TNKS: variants seen among roughly 807,000 people sequenced by gnomAD.
TNKS encodes the protein poly [ADP-ribose] polymerase tankyrase-1.
In TNKS, 72 loss-of-function variants were observed where a neutral mutation model predicts 135.8. That is an observed-to-expected ratio of 0.53 (90% CI 0.44 to 0.64). TNKS has a LOEUF of 0.64. TNKS is among the 30% of genes least tolerant of loss of function. The pLI is 0.00. For synonymous variants in TNKS, 849 were observed against 649.3 expected, an observed-to-expected ratio of 1.31 and a Z score of -4.68; for missense variants, 1,769 against 1,674.0, an observed-to-expected ratio of 1.06 and a Z score of -0.99.
Position 9,645,218 on chromosome 8 carries a change from G to T in TNKS, c.994+29541G>T, listed in dbSNP as rs181784604. 1.7e-4 allele frequency among the ~76,000 whole-genome samples: 25 copies of T among 150,974 alleles called. No homozygotes were observed. In the East Asian group the frequency reaches 4.8e-3, roughly 29 times the overall value. On this transcript the variant is annotated intron_variant, in intron 3 of 26. Coordinates refer to ENST00000310430, the MANE Select transcript of TNKS (RefSeq NM_003747.3). ...TAAGGAGGACAAGGGTGGGGGATGG[G>T]TTGGGAGCAGGGTGGGGTTTGTAGA...
At chr8:9,730,837 G>A in intron 13 of TNKS, 53 bp from the exon 14 acceptor site, 2 of 1,566,654 alleles carry the variant, frequency 1.3e-6, no homozygotes, top group Non-Finnish European at 1.7e-6. Context: ...CAAAACCTGT[G>A]AATAAAGAGT....
intron 2 of TNKS, among the ~76,000 whole-genome samples, chr8:9,606,498 T>A (rs1405810251): frequency 1.3e-5 from 2 of 152,148 alleles, no homozygotes; most frequent in Admixed American, 6.5e-5. Context: ...AATTAGGTAG[T>A]GTGAGTCCTT....
chr8:9,733,769 A>G (rs1052275930), intron 15 of TNKS, among the ~76,000 whole-genome samples: 1 of 152,216 alleles, frequency 6.6e-6, no homozygotes, highest in African/African-American at 2.4e-5. Flanking sequence ...AAGCTTTTCA[A>G]TCAAGTTGGG....
chr8:9,619,840 A>C (rs1316694910), intron 3 of TNKS, among the ~76,000 whole-genome samples: 2 of 149,314 alleles, frequency 1.3e-5, no homozygotes, highest in Non-Finnish European at 3.0e-5. Flanking sequence ...TTCAGATAAG[A>C]CCAACATCTT....
At chr8:9,606,727 C>A (rs1474502531) in intron 2 of TNKS, among the ~76,000 whole-genome samples, 2 of 151,732 alleles carry the variant, frequency 1.3e-5, no homozygotes, top group African/African-American at 2.4e-5. Context: ...TCACATTTTT[C>A]TTTCTCTCTA....
chr8:9,711,852 CA>C (rs1563184157), intron 11 of TNKS, among the ~76,000 whole-genome samples: 1 of 152,104 alleles, frequency 6.6e-6, no homozygotes, highest in African/African-American at 2.4e-5. Context: ...ATAAATGAAT[CA>C]CCCAGCCGTC....
rs1302984680 is a variant in TNKS at position 9,555,947 on chromosome 8, C to T, written c.8C>T (p.Ala3Val). 1.2e-6 allele frequency: 2 copies of T among 1,610,494 alleles called. No individual in the cohort carries two copies. The highest frequency in any genetic ancestry group is 1.8e-4 in the Middle Eastern group (1 of 5,572). The change falls in exon 1 of 27, where the codon GCG (alanine) becomes GTG (valine). Residue 3 changes from alanine (A) to valine (V), a missense_variant. This residue lies in a region of TNKS where 450 missense variants were observed against 304.9 expected (regional missense o/e 1.48). Coordinates refer to ENST00000310430, the MANE Select transcript of TNKS (RefSeq NM_003747.3). ...TGCTAGGGGAGTCCGAAGATGGCGG[C>T]GTCGCGTCGCTCTCAGCATCATCAC... Reference protein sequence around the residue: MAASRRSQHHHHH... With the variant: MAVSRRSQHHHHH...
Position 9,734,935 on chromosome 8 carries a change from C to T in TNKS, c.2384C>T (p.Thr795Ile). Residue 795 changes from threonine to isoleucine, a missense_variant, in exon 16 of 27, where the codon ACA (threonine) becomes ATA (isoleucine). Coordinates refer to ENST00000310430, the MANE Select transcript of TNKS (RefSeq NM_003747.3). ...TTGGATTTGGTAAAGGAAGGAGACA[C>T]AGATATTCAGGACTTACTGAGAGGG... is the stretch of plus-strand genomic sequence containing the variant. ...TPLDLVKEGD[T>I]DIQDLLRGDA... The T allele has an allele frequency of 6.2e-7, 1 of 1,614,146 alleles. No individual in the cohort carries two copies. Among genetic ancestry groups the T allele is most frequent in the South Asian group, 1.1e-5 (1 of 91,084 alleles).
intron 20 of TNKS, among the ~76,000 whole-genome samples, chr8:9,759,890 G>T (rs1807050091): frequency 6.6e-6 from 1 of 152,038 alleles, no homozygotes; most frequent in East Asian, 1.9e-4. Flanking sequence ...CAAGAGAATG[G>T]CGTGAACCCA....
At chr8:9,664,064 G>T (rs1332817066) in intron 3 of TNKS, among the ~76,000 whole-genome samples, 2 of 152,188 alleles carry the variant, frequency 1.3e-5, no homozygotes, top group South Asian at 2.1e-4. Flanking sequence ...CCAGCCATCA[G>T]TCGTCTCATT....
chr8:9,680,012 T>C, intron 4 of TNKS, 25 bp downstream of exon 4: 1 of 1,580,656 alleles, frequency 6.3e-7, no homozygotes, highest in African/African-American at 1.3e-5. Flanking sequence ...TCATTTTAAG[T>C]GTATATAATG....
At chr8:9,693,122 CTT>C (rs1350399124) in intron 5 of TNKS, among the ~76,000 whole-genome samples, 1 of 152,106 alleles carries the variant, frequency 6.6e-6, no homozygotes, top group African/African-American at 2.4e-5. Context: ...AGAAGGGAAA[CTT>C]ATTGATCTTA....
intron 2 of TNKS, among the ~76,000 whole-genome samples, chr8:9,604,638 T>G (rs569737493): frequency 1.3e-5 from 2 of 152,048 alleles, no homozygotes; most frequent in African/African-American, 4.8e-5. Flanking sequence ...TGTGAAAAAC[T>G]TTTTCTAAAT....
intron 13 of TNKS, among the ~76,000 whole-genome samples, chr8:9,728,972 C>A (rs1805289148): frequency 6.6e-6 from 1 of 152,172 alleles, no homozygotes; most frequent in South Asian, 2.1e-4. Context: ...AATTTCTAAG[C>A]AATAGAAATT....
chr8:9,735,528 C>G lies in TNKS; in HGVS notation c.2643+42C>G, dbSNP rs772623999. On this transcript the variant is annotated intron_variant, in intron 17 of 26. Transcript: ENST00000310430. ...TAAAATCTAGAAAACTGACCGCACGCGGTGGCTCACGCCTGTAATCCCAGC... is the reference window on the plus strand; with the variant it reads ...TAAAATCTAGAAAACTGACCGCACGGGGTGGCTCACGCCTGTAATCCCAGC... 4.0e-6 allele frequency: 6 copies of G among 1,501,478 alleles called. No individual in the cohort carries two copies. The South Asian group carries it at 4.5e-5, about 11-fold the overall frequency. The allele number at this position is 1,501,478 out of a possible 1,614,324, so 93.0% of individuals were successfully genotyped here. A position where few individuals can be genotyped will look rare whatever the true frequency, so the allele number is the denominator to read the frequency against.
chr8:9,772,540 C>A (rs566995812), intron 26 of TNKS: 1 of 384,158 alleles, frequency 2.6e-6, no homozygotes, highest in Admixed American at 3.1e-5. Flanking sequence ...TTACATGAGG[C>A]CCAAGAGACA....
chr8:9,691,014 C>T (rs748208735), intron 5 of TNKS, among the ~76,000 whole-genome samples: 9 of 152,084 alleles, frequency 5.9e-5, no homozygotes, highest in Admixed American at 2.6e-4. Flanking sequence ...AGAGAGAGCT[C>T]GCTTGTTTAG....
intron 3 of TNKS, among the ~76,000 whole-genome samples, chr8:9,659,544 A>C (rs913274694): frequency 1.3e-5 from 2 of 152,230 alleles, no homozygotes; most frequent in Non-Finnish European, 2.9e-5. Flanking sequence ...CAACGAGAAC[A>C]AAGACACAAC....
chr8:9,675,515 C>T (rs1307721567), intron 3 of TNKS, among the ~76,000 whole-genome samples: 1 of 152,226 alleles, frequency 6.6e-6, no homozygotes, highest in Non-Finnish European at 1.5e-5. Context: ...GAATAGACCT[C>T]AGTGAATTTT....
Sources: allele counts gnomAD v4.1 joint callset (sites outside exome capture counted in the v4.1 genomes callset), GRCh38; gene constraint gnomAD v4.1.1; regional missense constraint gnomAD v4.1.1; transcripts MANE v1.5; gene names NCBI Gene and HGNC (gene_info 2026-07-23, HGNC 2026-07-21).